Variants in AGBL4 observed in about 807,000 individuals in gnomAD.
The protein encoded by AGBL4 is AGBL carboxypeptidase 4, also known as cytosolic carboxypeptidase 6.
A neutral mutation model predicts 66.4 loss-of-function variants in AGBL4; 58 were observed. That is an observed-to-expected ratio of 0.87 (90% CI 0.71 to 1.09). The LOEUF is 1.09. Ranked by LOEUF, AGBL4 falls within the 50% of genes least tolerant of loss-of-function variation. The pLI, the probability that AGBL4 is intolerant of heterozygous loss-of-function variation, is 0.00. For synonymous variants in AGBL4, 234 were observed against 222.9 expected, an observed-to-expected ratio of 1.05 and a Z score of -0.44; for missense variants, 579 against 631.0, an observed-to-expected ratio of 0.92 and a Z score of 0.88.
At chr1:48,958,408 T>C (rs1361207104) in intron 5 of AGBL4, among the ~76,000 whole-genome samples, 1 of 152,246 alleles carries the variant, frequency 6.6e-6, no homozygotes, top group African/African-American at 2.4e-5. Context: ...AAGAAGGGAC[T>C]ACATTGTCCA....
At chr1:49,257,964 A>C (rs983731446) in intron 3 of AGBL4, among the ~76,000 whole-genome samples, 1 of 152,118 alleles carries the variant, frequency 6.6e-6, no homozygotes, top group Admixed American at 6.5e-5. Context: ...CTGAGACAAA[A>C]CTTCCAGAGG....
At position 49,313,166 on chromosome 1, in the gene AGBL4, T is replaced by C. The variant is rs12028414; in HGVS notation, c.283-67302A>G. On this transcript the variant is annotated intron_variant, in intron 3 of 13. Transcript: ENST00000371839. Reference sequence around the variant, plus strand: ...TGTTTTAGCTTGCTGAGAATGATGGTTTCCAGCTTCATCCATGTCCCTGCA... The same window carrying C: ...TGTTTTAGCTTGCTGAGAATGATGGCTTCCAGCTTCATCCATGTCCCTGCA... 7.9e-3 allele frequency among the ~76,000 whole-genome samples: 1,207 copies of C among 152,160 alleles called. 9 individuals are homozygous for C. The highest frequency in any genetic ancestry group is 0.031 in the Middle Eastern group (9 of 294).
chr1:49,426,455 T>C (rs1645661393), intron 3 of AGBL4, among the ~76,000 whole-genome samples: 1 of 152,224 alleles, frequency 6.6e-6, no homozygotes, highest in African/African-American at 2.4e-5. Flanking sequence ...ATTTTAAACT[T>C]TTCTGTTAAC....
intron 3 of AGBL4, chr1:49,472,061 A>G (rs1326493173): frequency 6.6e-6 from 1 of 151,906 alleles, no homozygotes; most frequent in Admixed American, 6.6e-5. Flanking sequence ...GAAAATCGTA[A>G]TTTTTACCAC....
chr1:49,032,014 G>C (rs952511415), intron 5 of AGBL4, among the ~76,000 whole-genome samples: 1 of 152,138 alleles, frequency 6.6e-6, no homozygotes, highest in Non-Finnish European at 1.5e-5. Flanking sequence ...TCTGCAAGCA[G>C]AATAGGAAGT....
At chr1:49,911,309 A>G (rs1650806722) in intron 1 of AGBL4, among the ~76,000 whole-genome samples, 1 of 152,212 alleles carries the variant, frequency 6.6e-6, no homozygotes, top group African/African-American at 2.4e-5. Context: ...TGAGAGGAAG[A>G]AATGGTGGAA....
intron 1 of AGBL4, among the ~76,000 whole-genome samples, chr1:50,010,695 G>A (rs989494854): frequency 2.0e-5 from 3 of 152,038 alleles, no homozygotes; most frequent in African/African-American, 7.2e-5. Flanking sequence ...TTCAACAAAG[G>A]TGCCAAGAAC....
chr1:48,701,018 C>T (rs185669844), intron 6 of AGBL4, among the ~76,000 whole-genome samples: 133 of 152,254 alleles, frequency 8.7e-4, no homozygotes, highest in African/African-American at 2.9e-3. Flanking sequence ...TGAAGTGCAG[C>T]GTGAACATTC....
rs577907572 is a variant in AGBL4, at chr1:49,134,419, T to G, written c.378-88619A>C. Among the ~76,000 whole-genome samples the G allele has an allele frequency of 2.6e-5, 4 of 152,004 alleles. No individual in the cohort carries two copies. In the South Asian group the frequency reaches 8.3e-4, roughly 32 times the overall value. On this transcript the variant is annotated intron_variant, in intron 4 of 13. Transcript: ENST00000371839. ...GCACTGCAGGAGACTAGGGCGTGTT[T>G]TCTCCCTATCTACAACTGCATAAGG...
At chr1:49,919,998 C>T (rs1652032485) in intron 1 of AGBL4, among the ~76,000 whole-genome samples, 1 of 152,052 alleles carries the variant, frequency 6.6e-6, no homozygotes, top group Non-Finnish European at 1.5e-5. Flanking sequence ...AAAGGATTCC[C>T]TATTTAATAA....
chr1:49,320,589 G>C (rs979781769), intron 3 of AGBL4, among the ~76,000 whole-genome samples: 1 of 152,150 alleles, frequency 6.6e-6, no homozygotes, highest in African/African-American at 2.4e-5. Context: ...GAGGAGCTTA[G>C]ACTTCCATAG....
chr1:49,514,491 C>T lies in AGBL4; in HGVS notation c.282+182822G>A, dbSNP rs959960255. ...GTAATTTATAGATTCAATGCCATCC[C>T]CATCAAGCTACCAATGACTTTCTTC... On this transcript the variant is annotated intron_variant, in intron 3 of 13. Coordinates refer to ENST00000371839, the MANE Select transcript of AGBL4 (RefSeq NM_032785.4). 2.0e-5 allele frequency among the ~76,000 whole-genome samples: 3 copies of T among 151,940 alleles called. 1 individual carries two copies. Among genetic ancestry groups the T allele is most frequent in the Non-Finnish European group, 2.9e-5 (2 of 67,930 alleles).
At chr1:48,729,445 G>C (rs1647740814) in intron 6 of AGBL4, among the ~76,000 whole-genome samples, 1 of 152,134 alleles carries the variant, frequency 6.6e-6, no homozygotes, top group Non-Finnish European at 1.5e-5. Flanking sequence ...AAATAGGAAT[G>C]ACAATTCAAC....
Position 48,545,345 on chromosome 1 carries a change from T to C in AGBL4, c.1268-5607A>G, listed in dbSNP as rs140262579. Among the ~76,000 whole-genome samples the C allele has an allele frequency of 2.6e-5, 4 of 152,266 alleles. No homozygotes were observed. The East Asian group carries it at 7.7e-4, about 29-fold the overall frequency. ...CTTTCCCTTCCCCCTCCAACCCTAT[T>C]ACATATTCCCTAACCTTGAAAGCCT... On this transcript the variant is annotated intron_variant, in intron 11 of 13. Transcript: ENST00000371839.
intron 4 of AGBL4, among the ~76,000 whole-genome samples, chr1:49,092,274 T>C (rs565113789): frequency 6.6e-6 from 1 of 152,226 alleles, no homozygotes; most frequent in Non-Finnish European, 1.5e-5. Flanking sequence ...GAATTCAAAA[T>C]CTTAAGATAA....
intron 3 of AGBL4, among the ~76,000 whole-genome samples, chr1:49,478,600 T>C (rs1185868953): frequency 1.3e-5 from 2 of 151,972 alleles, no homozygotes; most frequent in Non-Finnish European, 2.9e-5. Context: ...AAGGGATTAC[T>C]TCAGTCAGAA....
At chr1:49,108,732 A>G (rs1220811407) in intron 4 of AGBL4, among the ~76,000 whole-genome samples, 2 of 152,142 alleles carry the variant, frequency 1.3e-5, no homozygotes, top group African/African-American at 2.4e-5. Context: ...ACATAACATG[A>G]ATTTTTTAAA....
chr1:49,212,058 T>C (rs963399444), intron 4 of AGBL4, among the ~76,000 whole-genome samples: 1 of 152,108 alleles, frequency 6.6e-6, no homozygotes, highest in Non-Finnish European at 1.5e-5. Context: ...CAATGAGTTT[T>C]AGTGACTTCC....
At chr1:49,027,540 C>A (rs554124122) in intron 5 of AGBL4, among the ~76,000 whole-genome samples, 2 of 152,230 alleles carry the variant, frequency 1.3e-5, no homozygotes, top group South Asian at 4.2e-4. Flanking sequence ...TTCCCACCCT[C>A]TAACTCAGTG....
Sources: gnomAD v4.1 joint callset for allele counts (sites outside exome capture counted in the v4.1 genomes callset) on GRCh38, gnomAD v4.1.1 for gene constraint, MANE v1.5 for transcripts, NCBI Gene and HGNC (gene_info 2026-07-23, HGNC 2026-07-21) for gene names.